GARNL3: variants seen among roughly 807,000 people sequenced by gnomAD.
GARNL3 encodes GTPase-activating Rap/Ran-GAP domain-like protein 3.
Under a neutral mutation model 125.0 loss-of-function variants are expected in GARNL3, and 63 were observed. The observed-to-expected ratio is 0.50, with a 90% confidence interval of 0.41 to 0.62. The LOEUF (loss-of-function observed/expected upper bound fraction) is 0.62. Among genes scored for constraint, GARNL3 ranks in the 20% least tolerant of loss-of-function variants. The pLI is 0.00. For missense variants in GARNL3, 994 were observed against 1,244.0 expected, an observed-to-expected ratio of 0.80 and a Z score of 3.02; for synonymous variants, 439 against 457.5, an observed-to-expected ratio of 0.96 and a Z score of 0.52.
chr9:127,258,080 G>A (rs181474913), intron 2 of GARNL3, among the ~76,000 whole-genome samples: 58 of 152,144 alleles, frequency 3.8e-4, no homozygotes, highest in Non-Finnish European at 6.3e-4. Flanking sequence ...TGATGGAGCC[G>A]AAATTCAAAT....
chr9:127,244,919 G>A (rs1247647859), intron 2 of GARNL3, among the ~76,000 whole-genome samples: 1 of 152,184 alleles, frequency 6.6e-6, no homozygotes, highest in Non-Finnish European at 1.5e-5. Context: ...TCAAATTTCA[G>A]GCGATACTGA....
rs774054578 is a variant in GARNL3 at position 127,344,293 on chromosome 9, G to A, written c.1310G>A (p.Arg437Gln). ...DVLPESPKSA[R>Q]KKEEARQAEF... ...TTACCAGAGTCACCCAAGTCAGCGCGGAAGAAAGAGGAGGCCCGCCAGGCG... is the reference window on the plus strand; with the variant it reads ...TTACCAGAGTCACCCAAGTCAGCGCAGAAGAAAGAGGAGGCCCGCCAGGCG... The change falls in exon 15 of 28, where the codon CGG becomes CAG. Residue 437 changes from arginine to glutamine, a missense_variant. Coordinates refer to ENST00000373387, the MANE Select transcript of GARNL3 (RefSeq NM_032293.5). 15 of 1,613,986 alleles carry A rather than the reference G, an allele frequency of 9.3e-6. No individual in the cohort carries two copies. Among genetic ancestry groups the A allele is most frequent in the East Asian group, 2.2e-5 (1 of 44,892 alleles).
intron 27 of GARNL3, among the ~76,000 whole-genome samples, chr9:127,391,355 GA>G (rs1832826091): frequency 6.9e-6 from 1 of 144,554 alleles, no homozygotes; most frequent in Non-Finnish European, 1.5e-5. Context: ...TGTAGAGAGA[GA>G]GAGACTTTTT....
At chr9:127,380,183 ACT>A (rs1187157212) in intron 22 of GARNL3, among the ~76,000 whole-genome samples, 2 of 140,446 alleles carry the variant, frequency 1.4e-5, no homozygotes, top group African/African-American at 5.3e-5. Flanking sequence ...ATAGAGCAAG[ACT>A]CTGTCTCAAA....
Position 127,243,190 on chromosome 9 carries a change from C to T in GARNL3, c.84C>T (p.Gly28=), listed in dbSNP as rs754045678. The T allele has an allele frequency of 2.2e-4, 294 of 1,366,480 alleles. 2 individuals carry two copies. Among genetic ancestry groups the T allele is most frequent in the Non-Finnish European group, 2.2e-5 (22 of 1,021,866 alleles). The allele number at this position is 1,366,480 out of a possible 1,614,324, so 84.6% of individuals were successfully genotyped here. ...AAGCAAAGTCGTCTCTCTCCTTCGG[C>T]ATCCAGCCCCTTCAGACATGGCCAA... is the stretch of plus-strand genomic sequence containing the variant. The change falls in exon 2 of 11, where the codon GGC becomes GGT. Residue 28 remains glycine (G), a synonymous_variant. Transcript: ENST00000439286.
chr9:127,292,884 A>G (rs972148994), intron 2 of GARNL3, among the ~76,000 whole-genome samples: 1 of 152,174 alleles, frequency 6.6e-6, no homozygotes, highest in Non-Finnish European at 1.5e-5. Flanking sequence ...CTCACCAGCA[A>G]TGTGGCCTTG....
Position 127,229,314 on chromosome 9 carries a change from C to CCTG in GARNL3, c.-29+4979_-29+4981dup, listed in dbSNP as rs546271640. ...AGCCATACAGGTGCATATGGGTGCC[C>CCTG]CTGCTCCAGGCCTGTTGATTCAGAA... On this transcript the variant is annotated intron_variant, in intron 1 of 10. Transcript: ENST00000439286. Among the ~76,000 whole-genome samples, 13 of 152,240 alleles carry CCTG rather than the reference C, an allele frequency of 8.5e-5. No individual in the cohort carries two copies. In the East Asian group the frequency reaches 2.5e-3, roughly 29 times the overall value.
chr9:127,381,572 G>T (rs775225642), intron 22 of GARNL3, among the ~76,000 whole-genome samples: 13 of 151,972 alleles, frequency 8.6e-5, no homozygotes, highest in Non-Finnish European at 1.8e-4. Context: ...TATGTACTCA[G>T]ATATCTAGCT....
intron 4 of GARNL3, among the ~76,000 whole-genome samples, chr9:127,317,576 G>C (rs1401113060): frequency 1.3e-5 from 2 of 152,040 alleles, no homozygotes; most frequent in Non-Finnish European, 2.9e-5. Flanking sequence ...AATTAGCCAG[G>C]CATGGTGGTG....
intron 4 of GARNL3, among the ~76,000 whole-genome samples, chr9:127,315,390 A>G (rs1451237737): frequency 6.6e-6 from 1 of 152,104 alleles, no homozygotes; most frequent in Non-Finnish European, 1.5e-5. Context: ...TAATCCCAAC[A>G]TTTTGGGAGG....
chr9:127,238,609 C>A (rs1207520868), intron 1 of GARNL3, among the ~76,000 whole-genome samples: 1 of 152,216 alleles, frequency 6.6e-6, no homozygotes, highest in Non-Finnish European at 1.5e-5. Context: ...TCCTACAGGT[C>A]CACTGCCCCC....
At chr9:127,281,813 A>T (rs1470002837) in intron 1 of GARNL3, among the ~76,000 whole-genome samples, 1 of 152,168 alleles carries the variant, frequency 6.6e-6, no homozygotes, top group East Asian at 1.9e-4. Flanking sequence ...TCCTTTCTGA[A>T]TAGTAGTACT....
chr9:127,358,924 G>A (rs1830826837), intron 21 of GARNL3, among the ~76,000 whole-genome samples: 1 of 152,102 alleles, frequency 6.6e-6, no homozygotes, highest in Non-Finnish European at 1.5e-5. Context: ...GCTTTAAAAA[G>A]GTCAGTGTCT....
intron 21 of GARNL3, among the ~76,000 whole-genome samples, chr9:127,358,758 C>G (rs1479706682): frequency 6.6e-6 from 1 of 152,170 alleles, no homozygotes; most frequent in Non-Finnish European, 1.5e-5. Context: ...AAATATACCA[C>G]TGCCTGTGTT....
intron 2 of GARNL3, among the ~76,000 whole-genome samples, chr9:127,244,545 A>G (rs1322862816): frequency 2.0e-5 from 3 of 152,218 alleles, no homozygotes; most frequent in Non-Finnish European, 4.4e-5. Flanking sequence ...TCGTATTTTT[A>G]CAAAGCTCCC....
intron 24 of GARNL3, among the ~76,000 whole-genome samples, chr9:127,386,198 T>C (rs16929827): frequency 0.023 from 3,535 of 152,322 alleles, 142 homozygotes; most frequent in African/African-American, 0.081. Flanking sequence ...TTTTTTCCAA[T>C]GTATATTGTC....
upstream of GARNL3, chr9:127,263,920 CAG>C: frequency 6.7e-7 from 1 of 1,487,072 alleles, no homozygotes; most frequent in African/African-American, 1.4e-5. Context: ...TGCTAAACAT[CAG>C]AGTCAGTCTC....
chr9:127,284,208 T>C (rs963543963), intron 1 of GARNL3, among the ~76,000 whole-genome samples: 1 of 152,214 alleles, frequency 6.6e-6, no homozygotes, highest in East Asian at 1.9e-4. Context: ...TAGCTTTTGG[T>C]CTACTCAGAT....
chr9:127,390,645 C>T lies in GARNL3; in HGVS notation c.2748C>T (p.Leu916=), dbSNP rs754725324. The T allele has an allele frequency of 1.2e-6, 2 of 1,613,936 alleles. No individual in the cohort carries two copies. The highest frequency in any genetic ancestry group is 1.1e-5 in the South Asian group (1 of 91,072). ...ASRTRRELLG[L]SDEGGPKSEG... is the part of the protein sequence containing the mutation. ...GACCTATGATTCTCAATCCAGGCCT[C>T]TCGGATGAAGGTGGACCCAAGTCAG... The change falls in exon 27 of 28, where the codon CTC becomes CTT. Residue 916 remains leucine (L), a synonymous_variant. Coordinates refer to ENST00000373387, the MANE Select transcript of GARNL3 (RefSeq NM_032293.5).
Sources: gnomAD v4.1 joint callset for allele counts (sites outside exome capture counted in the v4.1 genomes callset) on GRCh38, gnomAD v4.1.1 for gene constraint, MANE v1.5 for transcripts, NCBI Gene and HGNC (gene_info 2026-07-23, HGNC 2026-07-21) for gene names.